GRIN2B: variants seen among roughly 807,000 people sequenced by gnomAD.
GRIN2B encodes glutamate receptor ionotropic, NMDA 2B.
GRIN2B carries 5 observed loss-of-function variants against 114.5 expected under a neutral mutation model. The observed-to-expected ratio is 0.04, with a 90% CI of 0.02 to 0.09. The LOEUF is 0.09. Ranked by LOEUF, GRIN2B falls within the 10% of genes least tolerant of loss-of-function variation. The pLI is 1.00. For synonymous variants in GRIN2B, 787 were observed against 745.1 expected (o/e 1.06, Z -0.92); for missense variants, 1,108 against 1,943.5 (o/e 0.57, Z 8.08).
At chr12:13,932,594 G>A (rs1401626747) in intron 2 of GRIN2B, among the ~76,000 whole-genome samples, 1 of 152,168 alleles carries the variant, frequency 6.6e-6, no homozygotes, top group Non-Finnish European at 1.5e-5. Context: ...TCAAAAAATG[G>A]ATGGGAACAT....
intron 4 of GRIN2B, among the ~76,000 whole-genome samples, chr12:13,696,224 T>C (rs1211190695): frequency 6.6e-6 from 1 of 152,152 alleles, no homozygotes; most frequent in Non-Finnish European, 1.5e-5. Context: ...ACTGAGCTAG[T>C]ATGAGTATAC....
At chr12:13,914,975 CTAGTG>C (rs1462691276) in intron 2 of GRIN2B, among the ~76,000 whole-genome samples, 1 of 152,060 alleles carries the variant, frequency 6.6e-6, no homozygotes, top group African/African-American at 2.4e-5. Context: ...AAATACCTAC[CTAGTG>C]CTCAGCAGTT....
chr12:13,647,020 T>C (rs1184234374), intron 5 of GRIN2B, among the ~76,000 whole-genome samples: 1 of 152,000 alleles, frequency 6.6e-6, no homozygotes, highest in African/African-American at 2.4e-5. Context: ...CACAAGCAAA[T>C]GAATTCAGCC....
chr12:13,640,242 C>T (rs1245814264), intron 5 of GRIN2B, among the ~76,000 whole-genome samples: 2 of 151,924 alleles, frequency 1.3e-5, no homozygotes, highest in Admixed American at 1.3e-4. Context: ...CAGAGCAAGG[C>T]CCTGTCTCTA....
chr12:13,699,570 C>T (rs1950291805), intron 4 of GRIN2B, among the ~76,000 whole-genome samples: 1 of 151,806 alleles, frequency 6.6e-6, no homozygotes, highest in South Asian at 2.1e-4. Context: ...AGAGGAGAAA[C>T]CTACCTGAAA....
intron 2 of GRIN2B, among the ~76,000 whole-genome samples, chr12:13,964,729 G>A (rs1241360678): frequency 5.3e-5 from 8 of 152,330 alleles, no homozygotes; most frequent in Admixed American, 4.6e-4. Context: ...GTGGAATAAA[G>A]GTCAGGGTAG....
At chr12:13,711,858 C>T (rs1442897640) in intron 4 of GRIN2B, among the ~76,000 whole-genome samples, 1 of 152,096 alleles carries the variant, frequency 6.6e-6, no homozygotes, top group Non-Finnish European at 1.5e-5. Context: ...TACCATTTGA[C>T]CCAGCAATCC....
chr12:13,827,229 C>CTTTTTTTTTTTTT (rs57007962), intron 3 of GRIN2B, among the ~76,000 whole-genome samples: 3 of 98,654 alleles, frequency 3.0e-5, no homozygotes, highest in African/African-American at 4.1e-5. Context: ...TTGTTGTTTT[C>CTTTTTTTTTTTTT]TTTTTTTTTT....
At chr12:13,883,628 C>G (rs754741853) in intron 2 of GRIN2B, among the ~76,000 whole-genome samples, 17 of 151,978 alleles carry the variant, frequency 1.1e-4, no homozygotes, top group Non-Finnish European at 1.5e-4. Flanking sequence ...ATCTTCTGTC[C>G]ACTTTGCAAT....
At chr12:13,595,892 T>C (rs1052510375) in intron 10 of GRIN2B, among the ~76,000 whole-genome samples, 1 of 152,172 alleles carries the variant, frequency 6.6e-6, no homozygotes, top group Non-Finnish European at 1.5e-5. Flanking sequence ...AGAAAATTGC[T>C]CAGTGCTCCA....
chr12:13,576,391 T>C (rs774982873), intron 10 of GRIN2B, among the ~76,000 whole-genome samples: 4 of 152,164 alleles, frequency 2.6e-5, no homozygotes, highest in Non-Finnish European at 4.4e-5. Context: ...AGAACCAGAA[T>C]GTCTTAACAT....
chr12:13,798,862 C>T (rs1864460069), intron 3 of GRIN2B, among the ~76,000 whole-genome samples: 2 of 152,218 alleles, frequency 1.3e-5, no homozygotes, highest in Admixed American at 1.3e-4. Context: ...GTCATTCCAG[C>T]ATTGAAGGCC....
At chr12:13,717,064 C>CACGTGTGTGT (rs1491494801) in intron 4 of GRIN2B, among the ~76,000 whole-genome samples, 19 of 61,890 alleles carry the variant, frequency 3.1e-4, no homozygotes, top group African/African-American at 5.0e-4. Flanking sequence ...TCATGCCATA[C>CACGTGTGTGT]GCGTGTGTGT....
Position 13,675,683 on chromosome 12 carries a change from G to T in GRIN2B, c.1125+62C>A, listed in dbSNP as rs961533404. On this transcript the variant is annotated intron_variant, in intron 5 of 13. Coordinates refer to ENST00000609686, the MANE Select transcript of GRIN2B (RefSeq NM_000834.5). The stretch of plus-strand genomic sequence containing the variant: ...AGCCAAAGGACTACTTTCCTTCATT[G>T]TGTTGCAAAATTTCACATTTCTACT... The T allele has an allele frequency of 3.2e-5, 32 of 1,000,386 alleles. No homozygotes were observed. The African/African-American group carries it at 4.7e-4, about 15-fold the overall frequency. The allele number at this position is 1,000,386 out of a possible 1,614,324, so 62.0% of individuals were successfully genotyped here.
chr12:13,688,915 C>T (rs887254523), intron 4 of GRIN2B, among the ~76,000 whole-genome samples: 1 of 152,210 alleles, frequency 6.6e-6, no homozygotes, highest in Non-Finnish European at 1.5e-5. Context: ...GATCTCTCCA[C>T]AGATTCACAC....
At chr12:13,614,987 C>T (rs1949417137) in intron 8 of GRIN2B, 127 bp downstream of exon 8, 2 of 841,500 alleles carry the variant, frequency 2.4e-6, no homozygotes, top group Non-Finnish European at 4.2e-6. Flanking sequence ...AGTGAAGTCC[C>T]TGGCTGAGTT....
chr12:13,888,222 T>A (rs1866198078), intron 2 of GRIN2B, among the ~76,000 whole-genome samples: 1 of 152,208 alleles, frequency 6.6e-6, no homozygotes, highest in Non-Finnish European at 1.5e-5. Flanking sequence ...TTCATCATTG[T>A]GTGAACATCA....
At chr12:13,835,791 A>G (rs968672595) in intron 3 of GRIN2B, among the ~76,000 whole-genome samples, 5 of 151,722 alleles carry the variant, frequency 3.3e-5, no homozygotes, top group African/African-American at 7.2e-5. Flanking sequence ...AAAAAAAAAA[A>G]AAAAGAAAGC....
intron 9 of GRIN2B, among the ~76,000 whole-genome samples, chr12:13,609,599 C>G (rs1195802375): frequency 6.6e-6 from 1 of 152,100 alleles, no homozygotes; most frequent in East Asian, 1.9e-4. Flanking sequence ...CGGTGAAACC[C>G]CGTCTCTACT....
Sources: gnomAD v4.1 joint callset for allele counts (sites outside exome capture counted in the v4.1 genomes callset) on GRCh38, gnomAD v4.1.1 for gene constraint, MANE v1.5 for transcripts, NCBI Gene and HGNC (gene_info 2026-07-23, HGNC 2026-07-21) for gene names.